The following RC3H1 variants were observed in gnomAD, a reference collection of about 807,000 sequenced individuals.
RC3H1 encodes the protein ring finger and CCCH-type domains 1.
Under a neutral mutation model 138.2 loss-of-function variants are expected in RC3H1, and 50 were observed. That is an observed-to-expected ratio of 0.36 (90% CI 0.29 to 0.46). The LOEUF (loss-of-function observed/expected upper bound fraction) is 0.46. RC3H1 is among the 20% of genes least tolerant of loss of function. The pLI, the probability that RC3H1 is intolerant of heterozygous loss-of-function variation, is 1.00. For missense variants in RC3H1, 1,031 were observed against 1,388.1 expected, an observed-to-expected ratio of 0.74 and a Z score of 4.09; for synonymous variants, 462 against 489.1, an observed-to-expected ratio of 0.94 and a Z score of 0.73.
intron 7 of RC3H1, among the ~76,000 whole-genome samples, chr1:173,974,997 T>G (rs1234654451): frequency 1.3e-5 from 2 of 152,182 alleles, no homozygotes; most frequent in Non-Finnish European, 2.9e-5. Flanking sequence ...GCAACTGGAA[T>G]GACAGAGTTG....
In RC3H1 at chr1:173,993,034, A is replaced by G. The variant is rs1661361658; in HGVS notation, c.-49T>C. The G allele has an allele frequency of 3.7e-6, 5 of 1,348,750 alleles. No homozygotes were observed. The highest frequency in any genetic ancestry group is 5.3e-6 in the Non-Finnish European group (5 of 945,108). The allele number at this position is 1,348,750 out of a possible 1,614,324, so 83.5% of individuals were successfully genotyped here. ...AACACAAACACACACACAAATCTAA[A>G]GCAAAGATTCCACTGGAATCAAAAT... is the stretch of plus-strand genomic sequence containing the variant. On this transcript the variant is annotated 5_prime_UTR_variant, in exon 2 of 20. Transcript: ENST00000367696.
Position 174,022,106 on chromosome 1 carries a change from C to G in RC3H1, c.-161G>C, listed in dbSNP as rs1198339178. ...CCGCCGCTCGCTCACCGCGCTGGTC[C>G]GAGCAGCAGCTCCTCTCAGCTCCGA... is the stretch of plus-strand genomic sequence containing the variant. On this transcript the variant is annotated 5_prime_UTR_variant, in exon 1 of 20. Coordinates refer to ENST00000367696, the MANE Select transcript of RC3H1 (RefSeq NM_172071.4). This position sits in a 1 kb window ranked among gnomAD's most constrained non-coding sequence, Gnocchi z 4.2. The G allele has an allele frequency of 5.0e-6, 2 of 397,894 alleles. No homozygotes were observed. The highest frequency in any genetic ancestry group is 8.8e-6 in the Non-Finnish European group (2 of 226,400). 24.6% of individuals were successfully genotyped at this position (397,894 alleles called of 1,614,324 possible).
chr1:173,990,517 A>AG (rs1340747481), intron 2 of RC3H1, among the ~76,000 whole-genome samples: 11 of 127,626 alleles, frequency 8.6e-5, no homozygotes, highest in African/African-American at 5.4e-4. Context: ...GTCTTTATTA[A>AG]GGGCCTATGT....
At chr1:174,003,237 A>C (rs1661592046) in intron 1 of RC3H1, among the ~76,000 whole-genome samples, 4 of 152,072 alleles carry the variant, frequency 2.6e-5, no homozygotes, top group Admixed American at 1.3e-4. Flanking sequence ...AAATGCAAAA[A>C]TTAGCCAGAC....
chr1:173,982,519 T>C (rs1660867583), intron 5 of RC3H1, among the ~76,000 whole-genome samples: 1 of 152,212 alleles, frequency 6.6e-6, no homozygotes, highest in Non-Finnish European at 1.5e-5. Context: ...ACTTGATCTA[T>C]GTTGTTCAAT....
chr1:173,954,998 G>A (rs971856334), intron 13 of RC3H1, among the ~76,000 whole-genome samples: 14 of 151,758 alleles, frequency 9.2e-5, no homozygotes, highest in African/African-American at 2.7e-4. Context: ...AGGCTGAGGC[G>A]GGCAGATCAC....
chr1:174,001,192 A>T (rs1661559525), intron 1 of RC3H1, among the ~76,000 whole-genome samples: 1 of 152,192 alleles, frequency 6.6e-6, no homozygotes, highest in South Asian at 2.1e-4. Context: ...AAAAATTTCT[A>T]TCTCCAACCT....
intron 7 of RC3H1, 125 bp from the exon 8 acceptor site, chr1:173,972,752 A>G (rs1430123631): frequency 1.5e-6 from 1 of 650,354 alleles, no homozygotes; most frequent in African/African-American, 1.8e-5. Flanking sequence ...AGCTTTTTAG[A>G]TAATAGCTTA....
At chr1:174,017,177 CTA>C (rs1226095425) in intron 1 of RC3H1, among the ~76,000 whole-genome samples, 2 of 152,218 alleles carry the variant, frequency 1.3e-5, no homozygotes, top group African/African-American at 4.8e-5. Flanking sequence ...CTAGTTTCTT[CTA>C]TACATTAAGA....
intron 1 of RC3H1, among the ~76,000 whole-genome samples, chr1:173,995,620 AC>A (rs1383516693): frequency 1.3e-5 from 2 of 152,122 alleles, no homozygotes; most frequent in Admixed American, 1.3e-4. Context: ...GTATTTGGTT[AC>A]TATATGAAGA....
chr1:174,019,250 G>T (rs1661915585), intron 1 of RC3H1, among the ~76,000 whole-genome samples: 2 of 152,028 alleles, frequency 1.3e-5, no homozygotes, highest in African/African-American at 4.8e-5. Context: ...ATACTTTCTT[G>T]GTCTTACAAG....
At chr1:173,994,061 G>C (rs1192797275) in intron 1 of RC3H1, among the ~76,000 whole-genome samples, 1 of 150,850 alleles carries the variant, frequency 6.6e-6, no homozygotes, top group African/African-American at 2.4e-5. Context: ...TTGGGGAAGG[G>C]GGTAGAGGGA....
chr1:173,957,552 TC>T (rs560745869), intron 13 of RC3H1, among the ~76,000 whole-genome samples: 147 of 151,988 alleles, frequency 9.7e-4, no homozygotes, highest in Middle Eastern at 6.8e-3. Context: ...CCTGTTTTCT[TC>T]CCCCCCTCTA....
intron 5 of RC3H1, among the ~76,000 whole-genome samples, chr1:173,981,905 A>G (rs771582289): frequency 2.7e-5 from 4 of 150,542 alleles, no homozygotes; most frequent in Non-Finnish European, 5.9e-5. Context: ...ATCTCAAAAA[A>G]AAAAGTCAGA....
At chr1:174,020,609 T>C (rs1318693507) in intron 1 of RC3H1, among the ~76,000 whole-genome samples, 1 of 152,224 alleles carries the variant, frequency 6.6e-6, no homozygotes, top group Non-Finnish European at 1.5e-5. Flanking sequence ...CTTGGATGTA[T>C]CCAAGCGATT....
In RC3H1 at chr1:174,017,782, T is replaced by TAAAAAAAA. The variant is rs1557954899; in HGVS notation, c.-151+4313_-151+4314insTTTTTTTT. ...GACCCCTTTAGAACTCTTTTCTTGCTCAAAAAAAAAAAAAAAAAAAAAAAA... is the reference window on the plus strand; with the variant it reads ...GACCCCTTTAGAACTCTTTTCTTGCTAAAAAAAACAAAAAAAAAAAAAAAAAAAAAAAA... On this transcript the variant is annotated intron_variant, in intron 1 of 19. Coordinates refer to ENST00000367696, the MANE Select transcript of RC3H1 (RefSeq NM_172071.4). Among the ~76,000 whole-genome samples, 21 of 42,612 alleles carry TAAAAAAAA rather than the reference T, an allele frequency of 4.9e-4. No individual in the cohort carries two copies. In the East Asian group the frequency reaches 0.02, roughly 41 times the overall value. The allele number at this position is 42,612 out of a possible 152,430, so 28.0% of individuals were successfully genotyped here. A position where few individuals can be genotyped will look rare whatever the true frequency, so the allele number is the denominator to read the frequency against.
chr1:173,973,490 T>C (rs903867199), intron 7 of RC3H1, among the ~76,000 whole-genome samples: 8 of 149,568 alleles, frequency 5.3e-5, no homozygotes, highest in Admixed American at 4.7e-4. Flanking sequence ...GAGCCGAGAT[T>C]GCACCACTGC....
chr1:174,022,115 G>A lies in RC3H1; in HGVS notation c.-170C>T, dbSNP rs1252515526. ...GCTCACCGCGCTGGTCCGAGCAGCA[G>A]CTCCTCTCAGCTCCGAGTCCCCGCG... is the stretch of plus-strand genomic sequence containing the variant. On this transcript the variant is annotated 5_prime_UTR_variant, in exon 1 of 20. Transcript: ENST00000367696. The surrounding 1 kb of genome is among the most constrained non-coding windows in gnomAD (Gnocchi z 4.2). 2 of 397,172 alleles carry A rather than the reference G, an allele frequency of 5.0e-6. No individual in the cohort carries two copies. Among genetic ancestry groups the A allele is most frequent in the Non-Finnish European group, 8.9e-6 (2 of 225,798 alleles). The allele number at this position is 397,172 out of a possible 1,614,324, so 24.6% of individuals were successfully genotyped here. A position where few individuals can be genotyped will look rare whatever the true frequency, so the allele number is the denominator to read the frequency against.
chr1:174,008,909 G>A (rs139599622), intron 1 of RC3H1, among the ~76,000 whole-genome samples: 432 of 151,316 alleles, frequency 2.9e-3, no homozygotes, highest in Non-Finnish European at 4.9e-3. Context: ...CCCAGGAGGC[G>A]GAGGTTGCAG....
Sources: gnomAD v4.1 joint callset for allele counts (sites outside exome capture counted in the v4.1 genomes callset) on GRCh38, gnomAD v4.1.1 for gene constraint, Gnocchi (gnomAD v3.1) non-coding constraint, MANE v1.5 for transcripts, NCBI Gene and HGNC (gene_info 2026-07-23, HGNC 2026-07-21) for gene names.